CDKN2A: variants seen among roughly 807,000 people sequenced by gnomAD.
The protein encoded by CDKN2A is cyclin-dependent kinase inhibitor 2A.
CDKN2A carries 3 observed loss-of-function variants against 11.1 expected under a neutral mutation model. The observed-to-expected ratio is 0.27, with a 90% CI of 0.12 to 0.70. The LOEUF is 0.70. Ranked by LOEUF, CDKN2A falls within the 30% of genes least tolerant of loss-of-function variation. CDKN2A has a pLI of 0.77. For synonymous variants in CDKN2A, 122 were observed against 108.1 expected (o/e 1.13, Z -0.80); for missense variants, 265 against 233.6 (o/e 1.13, Z -0.88).
chr9:21,969,913 A>G (rs1819621117), intron 2 of CDKN2A: 2 of 396,762 alleles, frequency 5.0e-6, no homozygotes, highest in South Asian at 2.6e-4. Context: ...GAGGGCTTAG[A>G]GCTAACTCTT....
chr9:21,975,339 G>T (rs543156773), upstream of CDKN2A, among the ~76,000 whole-genome samples: 2 of 152,256 alleles, frequency 1.3e-5, no homozygotes, highest in Non-Finnish European at 2.9e-5. Flanking sequence ...AATTGAATCG[G>T]GGTGTTTGGT....
chr9:21,975,119 C>T (rs941006197), upstream of CDKN2A: 24 of 1,247,234 alleles, frequency 1.9e-5, no homozygotes, highest in Non-Finnish European at 2.3e-5. Flanking sequence ...GGGCACCAGC[C>T]GGAAGCAGCC....
chr9:21,994,437 G>A lies in CDKN2A; in HGVS notation c.-176+384C>T, dbSNP rs1417624311. The A allele has an allele frequency of 1.9e-6, 3 of 1,575,468 alleles. No individual in the cohort carries two copies. Among genetic ancestry groups the A allele is most frequent in the Non-Finnish European group, 1.7e-6 (2 of 1,165,646 alleles). On this transcript the variant is annotated intron_variant, in intron 1 of 3. Coordinates refer to the CDKN2A transcript ENST00000494262. ...CCCTTAACTGCAGACTGGGACCCACGCACCGCCCCCTGCCCATCTCCGCCC... is the reference window on the plus strand; with the variant it reads ...CCCTTAACTGCAGACTGGGACCCACACACCGCCCCCTGCCCATCTCCGCCC...
rs1819524840 is a variant in CDKN2A at position 21,968,576 on chromosome 9, AT to A, written c.458-335del. 1 of 1,466,348 alleles carries A rather than the reference AT, an allele frequency of 6.8e-7. No homozygotes were observed. Among genetic ancestry groups the A allele is most frequent in the Admixed American group, 2.5e-5 (1 of 40,162 alleles). 90.8% of individuals were successfully genotyped at this position (1,466,348 alleles called of 1,614,324 possible). A position where few individuals can be genotyped will look rare whatever the true frequency, so the allele number is the denominator to read the frequency against. ...TAATGAGTCTCAGTGGTTGCTCACA[AT>A]GCCAGGCGCGAAGGCGTGAAGATGT... On this transcript the variant is annotated intron_variant, in intron 2 of 2. Coordinates refer to ENST00000304494, the MANE Select transcript of CDKN2A (RefSeq NM_000077.5). This position sits in a 1 kb window ranked among gnomAD's most constrained non-coding sequence, Gnocchi z 4.7.
rs770191005 is a variant in CDKN2A, at chr9:21,967,989, GGT to G, written c.*238_*239del. 24 of 540,046 alleles carry G rather than the reference GGT, an allele frequency of 4.4e-5. No homozygotes were observed. Among genetic ancestry groups the G allele is most frequent in the Non-Finnish European group, 7.5e-5 (23 of 304,664 alleles). The allele number at this position is 540,046 out of a possible 1,614,324, so 33.5% of individuals were successfully genotyped here. A position where few individuals can be genotyped will look rare whatever the true frequency, so the allele number is the denominator to read the frequency against. ...TCCAACACAGTGAAAAGGCAGAAGCGGTGTTTTTCTTTTTTACATTTTTATAA... is the reference window on the plus strand; with the variant it reads ...TCCAACACAGTGAAAAGGCAGAAGCGGTTTTTCTTTTTTACATTTTTATAA... On this transcript the variant is annotated 3_prime_UTR_variant, in exon 3 of 3. Transcript: ENST00000304494.
At chr9:21,973,872 T>C (rs1313997344) in intron 1 of CDKN2A, among the ~76,000 whole-genome samples, 2 of 152,182 alleles carry the variant, frequency 1.3e-5, no homozygotes, top group Non-Finnish European at 2.9e-5. Context: ...TGCTTCTGAA[T>C]AATTTTTCTC....
intron 2 of CDKN2A, among the ~76,000 whole-genome samples, chr9:21,987,107 T>A (rs910583165): frequency 2.0e-5 from 3 of 151,950 alleles, no homozygotes; most frequent in Admixed American, 1.3e-4. Context: ...TTGAAAGGCA[T>A]GATATTTTAG....
At chr9:21,975,962 A>G (rs1228781521), upstream of CDKN2A, among the ~76,000 whole-genome samples, 1 of 152,244 alleles carries the variant, frequency 6.6e-6, no homozygotes, top group Non-Finnish European at 1.5e-5. Flanking sequence ...TTGTGAGTTT[A>G]AATGATGTAT....
intron 2 of CDKN2A, chr9:21,970,565 A>G (rs1221688101): frequency 3.6e-6 from 2 of 549,648 alleles, no homozygotes; most frequent in Non-Finnish European, 6.5e-6. Context: ...AGTTTGGAGG[A>G]AGAGGGGGCA....
chr9:21,980,007 C>T (rs577269703), intron 2 of CDKN2A, among the ~76,000 whole-genome samples: 7 of 152,212 alleles, frequency 4.6e-5, no homozygotes, highest in South Asian at 4.1e-4. Flanking sequence ...GGTTCTGATG[C>T]GGCATTGTAG....
intron 2 of CDKN2A, among the ~76,000 whole-genome samples, chr9:21,980,767 A>G (rs1820153566): frequency 6.6e-6 from 1 of 150,746 alleles, no homozygotes; most frequent in Admixed American, 6.6e-5. Context: ...AGACCATCCT[A>G]GGTAACACGG....
At chr9:21,970,850 T>C in intron 2 of CDKN2A, 52 bp downstream of exon 2, 1 of 1,597,220 alleles carries the variant, frequency 6.3e-7, no homozygotes, top group African/African-American at 1.3e-5. Context: ...AAATGAATGC[T>C]CTGAGCTTTG....
Position 21,991,941 on chromosome 9 carries a change from A to C in CDKN2A, c.-4+1941T>G. ...AAAAATAACCTGAGCCTTCTGAAGT[A>C]GCTATAAACAAATGAATATTTAACT... On this transcript the variant is annotated intron_variant, in intron 2 of 3. Coordinates refer to the CDKN2A transcript ENST00000494262. This position sits in a 1 kb window ranked among gnomAD's most constrained non-coding sequence, Gnocchi z 5.2. 5.1e-6 allele frequency: 5 copies of C among 983,582 alleles called. No individual in the cohort carries two copies. Among genetic ancestry groups the C allele is most frequent in the Non-Finnish European group, 6.0e-6 (5 of 828,232 alleles). 60.9% of individuals were successfully genotyped at this position (983,582 alleles called of 1,614,324 possible). A position where few individuals can be genotyped will look rare whatever the true frequency, so the allele number is the denominator to read the frequency against.
At chr9:21,980,992 ATATATATATACGTG>A (rs562214260) in intron 2 of CDKN2A, among the ~76,000 whole-genome samples, 168 of 15,324 alleles carry the variant, frequency 0.011, 36 homozygotes, top group African/African-American at 0.039. Context: ...ATATACACGT[ATATATATATACGTG>A]TATATATATA....
chr9:21,994,057 G>T, intron 1 of CDKN2A: 1 of 1,464,660 alleles, frequency 6.8e-7, no homozygotes, highest in South Asian at 1.2e-5. Context: ...GCCTGGGCTA[G>T]AGACGAATTA....
In CDKN2A at chr9:21,968,246, C is replaced by G. The variant is rs876660514; in HGVS notation, c.458-4G>C. On this transcript the variant is annotated splice_polypyrimidine_tract_variant and splice_region_variant and intron_variant, in intron 2 of 2. Transcript: ENST00000304494. This position sits in a 1 kb window ranked among gnomAD's most constrained non-coding sequence, Gnocchi z 4.7. Reference sequence around the variant, plus strand: ...TGGTTCTTTCAATCGGGGATGTCTGCAGAGGGCAGAAAGAAAACAGGCGTT... The same window carrying G: ...TGGTTCTTTCAATCGGGGATGTCTGGAGAGGGCAGAAAGAAAACAGGCGTT... 46 of 1,613,870 alleles carry G rather than the reference C, an allele frequency of 2.9e-5. No individual in the cohort carries two copies. The highest frequency in any genetic ancestry group is 3.5e-5 in the Non-Finnish European group (41 of 1,179,906).
At chr9:21,976,791 C>T (rs889492115), upstream of CDKN2A, among the ~76,000 whole-genome samples, 1 of 152,156 alleles carries the variant, frequency 6.6e-6, no homozygotes, top group African/African-American at 2.4e-5. Context: ...TGGGCACCCT[C>T]CACCACCCTC....
rs1350305259 is a variant in CDKN2A, at chr9:21,970,983, C to A, written c.376G>T (p.Val126Phe). 6.2e-7 allele frequency: 1 copy of A among 1,610,746 alleles called. No individual in the cohort carries two copies. Among genetic ancestry groups the A allele is most frequent in the Non-Finnish European group, 8.5e-7 (1 of 1,180,012 alleles). The change falls in exon 2 of 3, where the codon GTC becomes TTC. Residue 126 changes from valine (V) to phenylalanine (F), a missense_variant. Physicochemically the swap from Val to Phe is conservative, Grantham distance 50 (BLOSUM62 -1). Transcript: ENST00000304494. ...DLAEELGHRD[V>F]ARYLRAAAGG... ...GCAGCCGCGCGCAGGTACCGTGCGA[C>A]ATCGCGATGGCCCAGCTCCTCAGCC...
rs768278082 is a variant in CDKN2A, at chr9:21,974,813, C to G, written c.15G>C (p.Ala5=). The part of the protein sequence containing the change: MEPA[A]GSSMEPSADW... The stretch of plus-strand genomic sequence containing the variant: ...CAGCCGAAGGCTCCATGCTGCTCCC[C>G]GCCGCCGGCTCCATGCTGCTCCCCG... Residue 5 remains alanine (A), a synonymous_variant, in exon 1 of 3, where the codon GCG becomes GCC. Coordinates refer to ENST00000304494, the MANE Select transcript of CDKN2A (RefSeq NM_000077.5). The surrounding 1 kb of genome is among the most constrained non-coding windows in gnomAD (Gnocchi z 5.2). 2 of 1,601,212 alleles carry G rather than the reference C, an allele frequency of 1.2e-6. No homozygotes were observed. Among genetic ancestry groups the G allele is most frequent in the East Asian group, 2.2e-5 (1 of 44,718 alleles).
Sources: gnomAD v4.1 joint callset for allele counts (sites outside exome capture counted in the v4.1 genomes callset) on GRCh38, gnomAD v4.1.1 for gene constraint, Gnocchi (gnomAD v3.1) non-coding constraint, MANE v1.5 for transcripts, NCBI Gene and HGNC (gene_info 2026-07-23, HGNC 2026-07-21) for gene names.